MSH3: variants seen among roughly 807,000 people sequenced by gnomAD.
MSH3 encodes the protein DNA mismatch repair protein Msh3.
MSH3 carries 106 observed loss-of-function variants against 123.3 expected under a neutral mutation model. That is an observed-to-expected ratio of 0.86 (90% CI 0.73 to 1.01). MSH3 has a LOEUF of 1.01. Among genes scored for constraint, MSH3 ranks in the 50% least tolerant of loss-of-function variants. The pLI is 0.00. For missense variants in MSH3, 1,459 were observed against 1,347.6 expected, an observed-to-expected ratio of 1.08 and a Z score of -1.29; for synonymous variants, 515 against 481.4, an observed-to-expected ratio of 1.07 and a Z score of -0.91.
chr5:80,768,175 T>C, intron 14 of MSH3, 55 bp downstream of exon 14: 1 of 1,469,604 alleles, frequency 6.8e-7, no homozygotes, highest in Non-Finnish European at 9.5e-7. Flanking sequence ...ATTCAGTGCA[T>C]TTGCCATTTA....
chr5:80,706,684 A>T (rs1191639144), intron 8 of MSH3, among the ~76,000 whole-genome samples: 1 of 152,216 alleles, frequency 6.6e-6, no homozygotes, highest in Non-Finnish European at 1.5e-5. Flanking sequence ...GTTTTCTTCA[A>T]AACGAGAGAT....
intron 7 of MSH3, among the ~76,000 whole-genome samples, chr5:80,676,910 G>A (rs1396786813): frequency 6.6e-6 from 1 of 152,198 alleles, no homozygotes; most frequent in Admixed American, 6.5e-5. Flanking sequence ...AACCATGTGT[G>A]CGAACTGGGA....
chr5:80,779,048 G>A (rs1191196333), intron 17 of MSH3, among the ~76,000 whole-genome samples: 2 of 148,804 alleles, frequency 1.3e-5, no homozygotes, highest in African/African-American at 2.5e-5. Flanking sequence ...CTGGAGTGCA[G>A]TGGCACGATC....
chr5:80,701,189 AGTACGAGTTGCAAG>A (rs1481136505), intron 8 of MSH3, among the ~76,000 whole-genome samples: 1 of 152,212 alleles, frequency 6.6e-6, no homozygotes, highest in Non-Finnish European at 1.5e-5. Flanking sequence ...AAAGGGAAAC[AGTACGAGTTGCAAG>A]GTAGGGGGTA....
At chr5:80,825,584 G>C (rs1387704215) in intron 20 of MSH3, among the ~76,000 whole-genome samples, 2 of 13,252 alleles carry the variant, frequency 1.5e-4, no homozygotes, top group African/African-American at 2.3e-4. Flanking sequence ...TGCACACAAG[G>C]GAGTTTTTCT....
intron 12 of MSH3, among the ~76,000 whole-genome samples, chr5:80,748,298 C>G (rs1409073074): frequency 6.6e-6 from 1 of 152,096 alleles, no homozygotes; most frequent in East Asian, 1.9e-4. Context: ...AGAAGACTTT[C>G]CACTCCCGTC....
At chr5:80,757,642 A>G (rs1401424540) in intron 12 of MSH3, among the ~76,000 whole-genome samples, 3 of 152,126 alleles carry the variant, frequency 2.0e-5, no homozygotes, top group African/African-American at 4.8e-5. Flanking sequence ...AGTTAATTTA[A>G]GTTGTATAGT....
intron 17 of MSH3, among the ~76,000 whole-genome samples, chr5:80,780,047 T>C (rs1047595684): frequency 1.7e-4 from 26 of 152,202 alleles, no homozygotes; most frequent in Non-Finnish European, 3.5e-4. Context: ...TATTTTACCA[T>C]GGTATTTTTT....
intron 19 of MSH3, among the ~76,000 whole-genome samples, chr5:80,798,464 C>T (rs1263922218): frequency 6.6e-6 from 1 of 152,146 alleles, no homozygotes; most frequent in Non-Finnish European, 1.5e-5. Flanking sequence ...AGACTAGTTA[C>T]AGTAATATTC....
At chr5:80,787,442 A>G in intron 17 of MSH3, 123 bp from the exon 18 acceptor site, 1 of 758,824 alleles carries the variant, frequency 1.3e-6, no homozygotes, top group East Asian at 2.5e-5. Context: ...CTTAACTGTT[A>G]GGAATGCCTG....
chr5:80,729,547 CTG>C lies in MSH3; in HGVS notation c.1568+585_1568+586del, dbSNP rs534632924. 3.1e-3 allele frequency among the ~76,000 whole-genome samples: 460 copies of C among 149,112 alleles called. 2 individuals carry two copies. Among genetic ancestry groups the C allele is most frequent in the Middle Eastern group, 7.1e-3 (2 of 282 alleles). On this transcript the variant is annotated intron_variant, in intron 10 of 23. Transcript: ENST00000265081. ...ATATATTATAGTTTTGACTACAAAA[CTG>C]TGCTTTATACTAACTGGACCCAGAA...
Position 80,855,381 on chromosome 5 carries a change from T to A in MSH3, c.3000+1065T>A, listed in dbSNP as rs961628911. On this transcript the variant is annotated intron_variant, in intron 21 of 23. Transcript: ENST00000265081. ...AAAAGCAACACAAAAATAAAATGTA[T>A]TTTTCTTTAACCTTTTGTTGCCATT... 136 of 152,328 alleles carry A rather than the reference T, an allele frequency of 8.9e-4. 1 individual carries two copies. The highest frequency in any genetic ancestry group is 3.2e-3 in the African/African-American group (131 of 41,580). 9.4% of individuals were successfully genotyped at this position (152,328 alleles called of 1,614,324 possible). A position where few individuals can be genotyped will look rare whatever the true frequency, so the allele number is the denominator to read the frequency against.
Position 80,656,473 on chromosome 5 carries a change from A to G in MSH3, c.300A>G (p.Lys100=), listed in dbSNP as rs1580540694. The part of the protein sequence containing the change: ...PLENDGPVKK[K]VKKVQQKEGG... ...AAAATGATGGGCCTGTTAAAAAGAA[A>G]GTAAAGAAAGTCCAACAAAAGGAAG... The change falls in exon 2 of 24, where the codon AAA becomes AAG. Residue 100 remains lysine (K), a synonymous_variant. Transcript: ENST00000265081. The G allele has an allele frequency of 6.2e-7, 1 of 1,614,232 alleles. No individual in the cohort carries two copies. Among genetic ancestry groups the G allele is most frequent in the Non-Finnish European group, 8.5e-7 (1 of 1,180,046 alleles).
intron 8 of MSH3, among the ~76,000 whole-genome samples, chr5:80,719,457 T>C (rs143647543): frequency 6.6e-6 from 1 of 152,334 alleles, no homozygotes; most frequent in African/African-American, 2.4e-5. Context: ...AATTCAGGGC[T>C]AAAGAGTTTT....
chr5:80,735,336 A>T (rs534890631), intron 10 of MSH3, among the ~76,000 whole-genome samples: 69 of 147,570 alleles, frequency 4.7e-4, no homozygotes, highest in African/African-American at 1.6e-3. Flanking sequence ...GTGAGCCAAG[A>T]TCATGCCACT....
rs1157493619 is a variant in MSH3 at position 80,670,440 on chromosome 5, A to G, written c.792+131A>G. On this transcript the variant is annotated intron_variant, in intron 4 of 23. Transcript: ENST00000265081. ...CAATCACCTTTTAAAAAATACTGTT[A>G]TGTAAAGTAAAAACTAAAAATGAAC... 5 of 987,748 alleles carry G rather than the reference A, an allele frequency of 5.1e-6. No homozygotes were observed. In the South Asian group the frequency reaches 6.0e-5, roughly 12 times the overall value. The allele number at this position is 987,748 out of a possible 1,614,324, so 61.2% of individuals were successfully genotyped here. A position where few individuals can be genotyped will look rare whatever the true frequency, so the allele number is the denominator to read the frequency against.
chr5:80,845,387 G>T (rs1284280508), intron 20 of MSH3, among the ~76,000 whole-genome samples: 1 of 152,090 alleles, frequency 6.6e-6, no homozygotes, highest in African/African-American at 2.4e-5. Flanking sequence ...TCTTGGAGTT[G>T]CTCTTCTCGA....
intron 8 of MSH3, among the ~76,000 whole-genome samples, chr5:80,702,351 T>TG (rs1157090902): frequency 6.6e-6 from 1 of 152,066 alleles, no homozygotes; most frequent in African/African-American, 2.4e-5. Flanking sequence ...AACCTTAATG[T>TG]GAAGGCAAGT....
chr5:80,805,596 T>C (rs1273423044), intron 19 of MSH3, among the ~76,000 whole-genome samples: 3 of 84,908 alleles, frequency 3.5e-5, no homozygotes, highest in African/African-American at 4.8e-5. Flanking sequence ...CCCCTACCTT[T>C]TTTTTTTTTT....
Sources: allele counts gnomAD v4.1 joint callset (sites outside exome capture counted in the v4.1 genomes callset), GRCh38; gene constraint gnomAD v4.1.1; transcripts MANE v1.5; gene names NCBI Gene and HGNC (gene_info 2026-07-23, HGNC 2026-07-21).